ABL1: variants seen among roughly 807,000 people sequenced by gnomAD.
The protein encoded by ABL1 is tyrosine-protein kinase ABL1.
In ABL1, 11 loss-of-function variants were observed where a neutral mutation model predicts 94.7. That is an observed-to-expected ratio of 0.12 (90% CI 0.07 to 0.19). The LOEUF is 0.19. ABL1 is among the 10% of genes least tolerant of loss of function. The pLI is 1.00. For synonymous variants in ABL1, 656 were observed against 622.4 expected (o/e 1.05, Z -0.80); for missense variants, 1,082 against 1,489.4 (o/e 0.73, Z 4.50).
At chr9:130,719,462 G>A (rs888036089) in intron 1 of ABL1, among the ~76,000 whole-genome samples, 1 of 152,200 alleles carries the variant, frequency 6.6e-6, no homozygotes, top group African/African-American at 2.4e-5. Context: ...CCAGGAGGTC[G>A]AGGTTGCAAC....
In ABL1 at chr9:130,851,428, G is replaced by A. The variant is rs79128231; in HGVS notation, c.80-2636G>A. On this transcript the variant is annotated intron_variant, in intron 1 of 10. Coordinates refer to ENST00000318560, the MANE Select transcript of ABL1 (RefSeq NM_005157.6). Reference sequence around the variant, plus strand: ...TCCTGAAGGTTGACTTCAGTTAGTAGTACAGAAGCGAGACTTGAAGCTCTT... The same window carrying A: ...TCCTGAAGGTTGACTTCAGTTAGTAATACAGAAGCGAGACTTGAAGCTCTT... Among the ~76,000 whole-genome samples the A allele has an allele frequency of 3.3e-5, 5 of 152,232 alleles. No individual in the cohort carries two copies. The East Asian group carries it at 7.7e-4, about 23-fold the overall frequency.
At chr9:130,845,653 GA>G (rs1830756262) in intron 1 of ABL1, among the ~76,000 whole-genome samples, 1 of 152,154 alleles carries the variant, frequency 6.6e-6, no homozygotes. Flanking sequence ...CCACTACTTT[GA>G]AATGACATAG....
intron 1 of ABL1, among the ~76,000 whole-genome samples, chr9:130,756,717 G>A (rs1017283929): frequency 1.3e-5 from 2 of 152,168 alleles, no homozygotes; most frequent in East Asian, 1.9e-4. Flanking sequence ...GTAACACAGC[G>A]TCAGCCTGAC....
At chr9:130,717,661 A>T in intron 1 of ABL1, among the ~76,000 whole-genome samples, 1 of 142,294 alleles carries the variant, frequency 7.0e-6, no homozygotes, top group Non-Finnish European at 1.5e-5. Flanking sequence ...CTGGGGGGTA[A>T]AAAAAAAAAA....
At chr9:130,773,777 G>A (rs372043517) in intron 1 of ABL1, among the ~76,000 whole-genome samples, 10 of 151,794 alleles carry the variant, frequency 6.6e-5, no homozygotes, top group East Asian at 1.9e-4. Context: ...CATTGTGCCC[G>A]GCTCCCCAAT....
In ABL1 at chr9:130,859,672, CTTTCCTT is replaced by C. The variant is rs1218951920; in HGVS notation, c.550-3087_550-3081del. ...AAAAGAAACGCTGTTTCTTTTCTTTCTTTCCTTTTTTTTTTTTTTTTTTTTTTTTTTT... is the reference window on the plus strand; with the variant it reads ...AAAAGAAACGCTGTTTCTTTTCTTTCTTTTTTTTTTTTTTTTTTTTTTTTT... On this transcript the variant is annotated intron_variant, in intron 3 of 10. Coordinates refer to ENST00000318560, the MANE Select transcript of ABL1 (RefSeq NM_005157.6). Among the ~76,000 whole-genome samples, 245 of 86,562 alleles carry C rather than the reference CTTTCCTT, an allele frequency of 2.8e-3. 20 individuals carry two copies. Among genetic ancestry groups the C allele is most frequent in the African/African-American group, 0.011 (229 of 21,310 alleles). The allele number at this position is 86,562 out of a possible 152,430, so 56.8% of individuals were successfully genotyped here. A position where few individuals can be genotyped will look rare whatever the true frequency, so the allele number is the denominator to read the frequency against.
At chr9:130,715,121 T>C (rs1831421695) in intron 1 of ABL1, among the ~76,000 whole-genome samples, 1 of 152,210 alleles carries the variant, frequency 6.6e-6, no homozygotes, top group Admixed American at 6.5e-5. Context: ...GAATGATATT[T>C]GGGCCAATAA....
chr9:130,745,837 A>G (rs1831881312), intron 1 of ABL1, among the ~76,000 whole-genome samples: 2 of 152,148 alleles, frequency 1.3e-5, no homozygotes, highest in South Asian at 2.1e-4. Flanking sequence ...TACCCCTACC[A>G]AATTGAAGAT....
At chr9:130,757,624 C>T (rs1453578436) in intron 1 of ABL1, among the ~76,000 whole-genome samples, 3 of 150,160 alleles carry the variant, frequency 2.0e-5, no homozygotes, top group South Asian at 2.1e-4. Context: ...CTGCAACCTC[C>T]GCCTCCTGGG....
At chr9:130,853,024 C>A (rs1049334621) in intron 1 of ABL1, among the ~76,000 whole-genome samples, 1 of 151,996 alleles carries the variant, frequency 6.6e-6, no homozygotes, top group Admixed American at 6.6e-5. Flanking sequence ...GCGTCTGTTA[C>A]GGAGAATAGG....
intron 7 of ABL1, among the ~76,000 whole-genome samples, chr9:130,876,404 A>G (rs1285616532): frequency 1.6e-5 from 2 of 124,418 alleles, no homozygotes; most frequent in Non-Finnish European, 3.1e-5. Context: ...ATAACAAATT[A>G]CTTTTTCTTT....
At chr9:130,803,824 A>G (rs1374140417) in intron 1 of ABL1, among the ~76,000 whole-genome samples, 1 of 152,236 alleles carries the variant, frequency 6.6e-6, no homozygotes, top group Non-Finnish European at 1.5e-5. Context: ...GTTTATTATC[A>G]GCTAAAGAGA....
rs913183839 is a variant in ABL1, at chr9:130,763,923, C to T, written c.136+49468C>T. ...CTGTAAAATGAGCATCATAATGGCACGTGTACCGCTACCACCCCCTGCCAG... is the reference window on the plus strand; with the variant it reads ...CTGTAAAATGAGCATCATAATGGCATGTGTACCGCTACCACCCCCTGCCAG... On this transcript the variant is annotated intron_variant, in intron 1 of 10. Transcript: ENST00000372348. Among the ~76,000 whole-genome samples, 3 of 152,266 alleles carry T rather than the reference C, an allele frequency of 2.0e-5. No individual in the cohort carries two copies. In the South Asian group the frequency reaches 6.2e-4, roughly 32 times the overall value.
intron 1 of ABL1, among the ~76,000 whole-genome samples, chr9:130,768,340 A>C (rs1184034113): frequency 6.6e-6 from 1 of 152,224 alleles, no homozygotes; most frequent in Non-Finnish European, 1.5e-5. Context: ...GGCATTTAGC[A>C]GCAACTCAGA....
intron 10 of ABL1, among the ~76,000 whole-genome samples, chr9:130,882,346 C>T (rs1033624113): frequency 1.2e-4 from 19 of 152,040 alleles, no homozygotes; most frequent in African/African-American, 4.4e-4. Flanking sequence ...GGCCTCCTTC[C>T]ACTAGATTAA....
Position 130,719,609 on chromosome 9 carries a change from G to A in ABL1, c.136+5154G>A, listed in dbSNP as rs554379758. 4.6e-5 allele frequency among the ~76,000 whole-genome samples: 7 copies of A among 152,286 alleles called. No homozygotes were observed. The East Asian group carries it at 1.4e-3, about 29-fold the overall frequency. ...TCACTTTTTTCAGATCCCTTTTTAT[G>A]AAAGAATTTGCTTAAGTTGTGTCTG... is the stretch of plus-strand genomic sequence containing the variant. On this transcript the variant is annotated intron_variant, in intron 1 of 10. Transcript: ENST00000372348.
chr9:130,757,957 C>T (rs1316244701), intron 1 of ABL1, among the ~76,000 whole-genome samples: 6 of 152,190 alleles, frequency 3.9e-5, no homozygotes, highest in Admixed American at 2.0e-4. Flanking sequence ...CCCTCCAGGG[C>T]ACACCCAGGT....
intron 4 of ABL1, among the ~76,000 whole-genome samples, chr9:130,869,523 C>T (rs1012074791): frequency 6.6e-6 from 1 of 152,160 alleles, no homozygotes; most frequent in East Asian, 1.9e-4. Flanking sequence ...ACCGCTCCGC[C>T]GTACCGCCCA....
At position 130,734,883 on chromosome 9, in the gene ABL1, A is replaced by T. The variant is rs1168082167; in HGVS notation, c.136+20428A>T. Reference sequence around the variant, plus strand: ...TTTGGAATGGCGGTGTGTAACAAACATACCTTATGTATGCTTTTATGATTT... The same window carrying T: ...TTTGGAATGGCGGTGTGTAACAAACTTACCTTATGTATGCTTTTATGATTT... On this transcript the variant is annotated intron_variant, in intron 1 of 10. Coordinates refer to the ABL1 transcript ENST00000372348. Among the ~76,000 whole-genome samples, 10 of 152,080 alleles carry T rather than the reference A, an allele frequency of 6.6e-5. No individual in the cohort carries two copies. The East Asian group carries it at 1.5e-3, about 23-fold the overall frequency.
Sources: gnomAD v4.1 joint callset for allele counts (sites outside exome capture counted in the v4.1 genomes callset) on GRCh38, gnomAD v4.1.1 for gene constraint, MANE v1.5 for transcripts, NCBI Gene and HGNC (gene_info 2026-07-23, HGNC 2026-07-21) for gene names.